Variants in CYB5R3 observed in about 807,000 individuals in gnomAD.
The protein encoded by CYB5R3 is cytochrome b5 reductase 3, also known as NADH-cytochrome b5 reductase 3.
In CYB5R3, 28 loss-of-function variants were observed where a neutral mutation model predicts 36.5. The observed-to-expected ratio is 0.77, with a 90% confidence interval of 0.57 to 1.05. The LOEUF (loss-of-function observed/expected upper bound fraction) is 1.05. CYB5R3 is among the 50% of genes least tolerant of loss of function. The pLI, the probability that CYB5R3 is intolerant of heterozygous loss-of-function variation, is 0.00. For missense variants in CYB5R3, 474 were observed against 408.9 expected (o/e 1.16, Z -1.37); for synonymous variants, 181 against 159.8 (o/e 1.13, Z -1.00).
Position 42,647,800 on chromosome 22 carries a change from G to A in CYB5R3, c.21+1495C>T, listed in dbSNP as rs1307498392. ...GTAGAAGGATCACTTGTGCCCAAGA[G>A]GTTGAGGCTGCAGTGAGCTATGATC... On this transcript the variant is annotated intron_variant, in intron 1 of 8. Transcript: ENST00000352397. Among the ~76,000 whole-genome samples, 12 of 152,238 alleles carry A rather than the reference G, an allele frequency of 7.9e-5. 1 individual carries two copies. Among genetic ancestry groups the A allele is most frequent in the East Asian group, 5.8e-4 (3 of 5,194 alleles).
intron 8 of CYB5R3, among the ~76,000 whole-genome samples, chr22:42,622,768 G>A (rs989422244): frequency 6.6e-6 from 1 of 152,218 alleles, no homozygotes; most frequent in Non-Finnish European, 1.5e-5. Context: ...ATCAGCAGAG[G>A]GTGTGCGCCC....
chr22:42,639,848 T>C (rs1929142803), intron 1 of CYB5R3: 3 of 1,242,710 alleles, frequency 2.4e-6, no homozygotes, highest in Middle Eastern at 2.1e-4. Flanking sequence ...ATTCACTTTT[T>C]TTTTTTTTTG....
At chr22:42,639,823 G>A (rs553735089) in intron 1 of CYB5R3, 4 of 988,420 alleles carry the variant, frequency 4.0e-6, no homozygotes, top group South Asian at 3.6e-5. Flanking sequence ...CTTGAACATG[G>A]GTTGGAACTG....
chr22:42,643,014 T>C (rs2146908858), intron 1 of CYB5R3, among the ~76,000 whole-genome samples: 1 of 152,328 alleles, frequency 6.6e-6, no homozygotes, highest in South Asian at 2.1e-4. Flanking sequence ...GCCTCTCTAC[T>C]TGCTTTGTGG....
At chr22:42,648,312 T>C (rs1929620837) in intron 1 of CYB5R3, among the ~76,000 whole-genome samples, 1 of 152,108 alleles carries the variant, frequency 6.6e-6, no homozygotes, top group Admixed American at 6.5e-5. Flanking sequence ...AGCACTGGGC[T>C]GATTCCTCCT....
intron 5 of CYB5R3, 132 bp from the exon 6 acceptor site, chr22:42,627,820 G>A (rs1470260589): frequency 5.5e-5 from 42 of 767,276 alleles, no homozygotes; most frequent in East Asian, 4.6e-4. Flanking sequence ...ATTCTAACGC[G>A]AGCCATGAGG....
chr22:42,625,399 T>C (rs1036587518), intron 7 of CYB5R3, among the ~76,000 whole-genome samples: 1 of 151,982 alleles, frequency 6.6e-6, no homozygotes, highest in African/African-American at 2.4e-5. Context: ...TCGCAGCTAC[T>C]CAGGTAGCTG....
chr22:42,648,385 G>A (rs986078587), intron 1 of CYB5R3, among the ~76,000 whole-genome samples: 2 of 152,216 alleles, frequency 1.3e-5, no homozygotes, highest in African/African-American at 2.4e-5. Context: ...TGCAGCCGCA[G>A]CCTCCACATG....
rs112945823 is a variant in CYB5R3, at chr22:42,639,629, C to CAAA, written c.22-2786_22-2784dup. 2.1e-4 allele frequency among the ~76,000 whole-genome samples: 31 copies of CAAA among 148,318 alleles called. No homozygotes were observed. The East Asian group carries it at 3.3e-3, about 16-fold the overall frequency. ...GGTGACAAGAGCCAAGACTCCATCT[C>CAAA]AAAAAAAAAAAATTGAATAAGGCTT... On this transcript the variant is annotated intron_variant, in intron 1 of 8. Transcript: ENST00000352397.
At position 42,627,316 on chromosome 22, in the gene CYB5R3, G is replaced by A; in HGVS notation, c.621C>T (p.Leu207=). 6.2e-7 allele frequency: 1 copy of A among 1,613,956 alleles called. No individual in the cohort carries two copies. The highest frequency in any genetic ancestry group is 1.6e-4 in the Middle Eastern group (1 of 6,062). The change falls in exon 7 of 9, where the codon CTC becomes CTT. Residue 207 remains leucine, a synonymous_variant. Transcript: ENST00000352397. The part of the protein sequence containing the change: ...DPDDHTVCHL[L]FANQTEKDIL... ...GATGCCCACTGACCTGGTTGGCAAA[G>A]AGCAGGTGGCACACAGTGTGGTCAT...
intron 7 of CYB5R3, among the ~76,000 whole-genome samples, chr22:42,626,930 G>A (rs532420412): frequency 2.7e-4 from 41 of 152,144 alleles, no homozygotes; most frequent in South Asian, 1.0e-3. Flanking sequence ...CAGGGGCTTC[G>A]TGCAAATGTC....
At position 42,618,216 on chromosome 22, in the gene CYB5R3, A is replaced by G. The variant is rs1251220201; in HGVS notation, c.*1557T>C. ...CTGTGTATACTTCTCTGCACTTTCC[A>G]AATTTTCTACCACAAAGATACATCA... is the stretch of plus-strand genomic sequence containing the variant. On this transcript the variant is annotated 3_prime_UTR_variant, in exon 9 of 9. Coordinates refer to ENST00000352397, the MANE Select transcript of CYB5R3 (RefSeq NM_000398.7). The G allele has an allele frequency of 6.6e-6, 1 of 152,134 alleles. No homozygotes were observed. The highest frequency in any genetic ancestry group is 1.5e-5 in the Non-Finnish European group (1 of 68,044). The allele number at this position is 152,134 out of a possible 1,614,324, so 9.4% of individuals were successfully genotyped here.
At chr22:42,630,427 C>T (rs974062946) in intron 4 of CYB5R3, among the ~76,000 whole-genome samples, 11 of 152,188 alleles carry the variant, frequency 7.2e-5, no homozygotes, top group Non-Finnish European at 1.5e-4. Context: ...ACACTCGGGA[C>T]CCAACTCCCA....
intron 2 of CYB5R3, among the ~76,000 whole-genome samples, chr22:42,636,471 A>C (rs1928897470): frequency 6.6e-6 from 1 of 152,180 alleles, no homozygotes; most frequent in Non-Finnish European, 1.5e-5. Context: ...GGTTCCTTCC[A>C]TTCTGACCTT....
At chr22:42,628,584 GC>G (rs778937249) in intron 4 of CYB5R3, among the ~76,000 whole-genome samples, 16 of 152,114 alleles carry the variant, frequency 1.1e-4, no homozygotes, top group Non-Finnish European at 2.1e-4. Flanking sequence ...TGTCTCTGGG[GC>G]CCCCTCCCAA....
chr22:42,648,953 C>T (rs1426916638), intron 1 of CYB5R3, among the ~76,000 whole-genome samples: 3 of 152,228 alleles, frequency 2.0e-5, no homozygotes, highest in Admixed American at 6.5e-5. Context: ...CACTCACACT[C>T]AGCGGCACAC....
intron 2 of CYB5R3, 168 bp from the exon 3 acceptor site, chr22:42,631,618 C>T (rs1309915872): frequency 1.5e-6 from 1 of 680,812 alleles, no homozygotes; most frequent in Non-Finnish European, 2.7e-6. Flanking sequence ...GATGCACACA[C>T]ATGCACGCTG....
At position 42,623,899 on chromosome 22, in the gene CYB5R3, CA is replaced by C. The variant is rs1223353368; in HGVS notation, c.634-12del. Reference sequence around the variant, plus strand: ...GATGTCCTTCTCGGTCTGCAGGGGACAGGGCCAGGCAGTCAGGAAGGATGGG... The same window carrying C: ...GATGTCCTTCTCGGTCTGCAGGGGACGGGCCAGGCAGTCAGGAAGGATGGG... On this transcript the variant is annotated splice_polypyrimidine_tract_variant and intron_variant, in intron 7 of 8. Transcript: ENST00000352397. 2 of 1,611,992 alleles carry C rather than the reference CA, an allele frequency of 1.2e-6. No homozygotes were observed. Among genetic ancestry groups the C allele is most frequent in the Non-Finnish European group, 1.7e-6 (2 of 1,178,206 alleles).
chr22:42,624,016 G>T, intron 7 of CYB5R3, 128 bp from the exon 8 acceptor site: 1 of 773,000 alleles, frequency 1.3e-6, no homozygotes, highest in Non-Finnish European at 2.2e-6. Flanking sequence ...TTCAGGAGGG[G>T]ACTCGGCCAG....
Sources: gnomAD v4.1 joint callset for allele counts (sites outside exome capture counted in the v4.1 genomes callset) on GRCh38, gnomAD v4.1.1 for gene constraint, MANE v1.5 for transcripts, NCBI Gene and HGNC (gene_info 2026-07-23, HGNC 2026-07-21) for gene names.